The following GLT1D1 variants were observed in gnomAD, a reference collection of about 807,000 sequenced individuals.
GLT1D1 encodes the protein glycosyltransferase 1 domain containing 1, also known as glycosyltransferase 1 domain-containing protein 1.
A neutral mutation model predicts 28.7 loss-of-function variants in GLT1D1; 21 were observed. That is an observed-to-expected ratio of 0.73 (90% CI 0.52 to 1.05). The LOEUF (loss-of-function observed/expected upper bound fraction) is 1.05, where lower values mean the gene tolerates loss of function less well. Ranked by LOEUF, GLT1D1 falls within the 50% of genes least tolerant of loss-of-function variation. The probability of loss-of-function intolerance (pLI) is 0.00; values close to 1 mark genes in which losing one functional copy is unlikely to be tolerated. For synonymous variants in GLT1D1, 147 were observed against 124.8 expected (o/e 1.18, Z -1.19); for missense variants, 343 against 330.6 (o/e 1.04, Z -0.29).
intron 4 of GLT1D1, among the ~76,000 whole-genome samples, chr12:128,903,169 G>A (rs1870480292): frequency 6.6e-6 from 1 of 151,616 alleles, no homozygotes; most frequent in African/African-American, 2.4e-5. Flanking sequence ...GCATAGATGA[G>A]TTCCCTTCCT....
chr12:128,860,409 C>T (rs190562675), intron 1 of GLT1D1, among the ~76,000 whole-genome samples: 241 of 152,246 alleles, frequency 1.6e-3, no homozygotes, highest in African/African-American at 5.2e-3. Flanking sequence ...TGCAGTGAGC[C>T]GAGATTGTAC....
rs150122647 is a variant in GLT1D1 at position 128,962,618 on chromosome 12, C to T, written c.639+4975C>T. On this transcript the variant is annotated intron_variant, in intron 7 of 7. Coordinates refer to ENST00000281703, the MANE Select transcript of GLT1D1 (RefSeq NM_144669.3). ...CTTGGGGTCAGACATACAGCCCTTG[C>T]TGCTGTTGAAGAGCGGCTGAAAGTC... 5.7e-3 allele frequency among the ~76,000 whole-genome samples: 873 copies of T among 152,298 alleles called. 3 individuals carry two copies. Among genetic ancestry groups the T allele is most frequent in the Non-Finnish European group, 8.8e-3 (601 of 68,026 alleles).
At chr12:128,932,104 G>A (rs1044151403) in intron 4 of GLT1D1, among the ~76,000 whole-genome samples, 1 of 152,204 alleles carries the variant, frequency 6.6e-6, no homozygotes, top group African/African-American at 2.4e-5. Context: ...GAACAGTCGG[G>A]GGCGTGGGGC....
intron 7 of GLT1D1, among the ~76,000 whole-genome samples, chr12:128,975,054 A>G (rs1420418566): frequency 1.3e-5 from 2 of 152,182 alleles, no homozygotes; most frequent in African/African-American, 4.8e-5. Context: ...TGCACCTGCA[A>G]ACCTCCTTCC....
At chr12:128,949,118 T>C (rs921260964) in intron 6 of GLT1D1, among the ~76,000 whole-genome samples, 11 of 152,264 alleles carry the variant, frequency 7.2e-5, no homozygotes, top group Admixed American at 1.3e-4. Flanking sequence ...AAAGTGTATA[T>C]GCTTATGGTA....
At chr12:128,977,070 C>T (rs1050272583) in intron 7 of GLT1D1, among the ~76,000 whole-genome samples, 3 of 152,274 alleles carry the variant, frequency 2.0e-5, no homozygotes, top group East Asian at 1.9e-4. Context: ...CGCTTGACCC[C>T]GGGAGGCAGA....
intron 3 of GLT1D1, among the ~76,000 whole-genome samples, chr12:128,891,866 G>A (rs1436187358): frequency 2.6e-5 from 4 of 152,102 alleles, no homozygotes; most frequent in Admixed American, 6.5e-5. Flanking sequence ...TTGAAGACAC[G>A]CACTCATGAC....
intron 2 of GLT1D1, among the ~76,000 whole-genome samples, chr12:128,885,443 A>C (rs1718511): frequency 6.6e-6 from 1 of 152,222 alleles, no homozygotes; most frequent in East Asian, 1.9e-4. Flanking sequence ...GGCTGGTCTC[A>C]AACTCCATAC....
intron 4 of GLT1D1, among the ~76,000 whole-genome samples, chr12:128,924,698 C>A (rs1388056459): frequency 6.6e-6 from 1 of 152,064 alleles, no homozygotes; most frequent in Non-Finnish European, 1.5e-5. Context: ...CTCAAGTGAT[C>A]CTGGTGAGCC....
chr12:128,932,691 C>A (rs143497333), intron 4 of GLT1D1, among the ~76,000 whole-genome samples: 1,688 of 152,232 alleles, frequency 0.011, 11 homozygotes, highest in Middle Eastern at 0.031. Context: ...TTGCTGAAAC[C>A]GCGGCTCCCA....
intron 4 of GLT1D1, among the ~76,000 whole-genome samples, chr12:128,908,386 T>TTC (rs1566122627): frequency 5.3e-5 from 7 of 131,274 alleles, no homozygotes; most frequent in South Asian, 5.4e-4. Context: ...TTCTTTCTCT[T>TTC]TCTTTCTCTC....
chr12:128,962,176 G>A (rs1343738939), intron 7 of GLT1D1, among the ~76,000 whole-genome samples: 14 of 152,170 alleles, frequency 9.2e-5, no homozygotes, highest in African/African-American at 2.4e-4. Flanking sequence ...TGGCGGCCCC[G>A]TGTGCGTGCT....
chr12:128,931,839 G>T (rs1873927239), intron 4 of GLT1D1, among the ~76,000 whole-genome samples: 2 of 152,010 alleles, frequency 1.3e-5, no homozygotes, highest in Non-Finnish European at 2.9e-5. Context: ...TAAAAATAAT[G>T]TCAGTGAAAT....
At chr12:128,886,715 C>T (rs1025331774) in intron 2 of GLT1D1, among the ~76,000 whole-genome samples, 1 of 151,828 alleles carries the variant, frequency 6.6e-6, no homozygotes, top group African/African-American at 2.4e-5. Flanking sequence ...GAGCCTGCCT[C>T]GATAGTCTAC....
intron 4 of GLT1D1, among the ~76,000 whole-genome samples, chr12:128,933,272 A>G (rs1385405599): frequency 6.6e-6 from 1 of 152,260 alleles, no homozygotes. Context: ...ATGCGGGTAG[A>G]CGCAGGCGGC....
At chr12:128,910,020 A>T (rs143007459) in intron 4 of GLT1D1, among the ~76,000 whole-genome samples, 56 of 152,386 alleles carry the variant, frequency 3.7e-4, no homozygotes, top group African/African-American at 1.3e-3. Context: ...ATATAAGCCA[A>T]TTGGCTTTTG....
At chr12:128,979,231 C>G (rs934061490) in intron 7 of GLT1D1, among the ~76,000 whole-genome samples, 2 of 152,224 alleles carry the variant, frequency 1.3e-5, no homozygotes, top group African/African-American at 4.8e-5. Flanking sequence ...TGTAACAAAT[C>G]ACCACAAACT....
At chr12:128,911,902 G>T (rs1871570289) in intron 4 of GLT1D1, among the ~76,000 whole-genome samples, 1 of 152,026 alleles carries the variant, frequency 6.6e-6, no homozygotes. Flanking sequence ...TGCCTGGAAG[G>T]ATCTGCCTCC....
At chr12:128,957,689 GT>G (rs758520515) in intron 7 of GLT1D1, 46 bp downstream of exon 11, 3 of 1,209,324 alleles carry the variant, frequency 2.5e-6, no homozygotes, top group Non-Finnish European at 3.7e-6. Context: ...TATCTGAATA[GT>G]TTTCCTCTAT....
Sources: allele counts gnomAD v4.1 joint callset (sites outside exome capture counted in the v4.1 genomes callset), GRCh38; gene constraint gnomAD v4.1.1; transcripts MANE v1.5; gene names NCBI Gene and HGNC (gene_info 2026-07-23, HGNC 2026-07-21).